The following PARP15 variants were observed in gnomAD, a reference collection of about 807,000 sequenced individuals.
PARP15 encodes the protein poly(ADP-ribose) polymerase family member 15.
Under a neutral mutation model 62.1 loss-of-function variants are expected in PARP15, and 50 were observed. The ratio of observed to expected loss-of-function variants is 0.81; its 90% confidence interval spans 0.64 to 1.02. PARP15 has a LOEUF of 1.02. Among genes scored for constraint, PARP15 ranks in the 50% least tolerant of loss-of-function variants. PARP15 has a pLI of 0.00. For missense variants in PARP15, 820 were observed against 826.5 expected (o/e 0.99, Z 0.10); for synonymous variants, 309 against 293.1 (o/e 1.05, Z -0.55).
At chr3:122,582,404 C>A (rs1004792143) in intron 1 of PARP15, among the ~76,000 whole-genome samples, 3 of 152,050 alleles carry the variant, frequency 2.0e-5, no homozygotes, top group African/African-American at 7.2e-5. Context: ...CTTGAACCCC[C>A]AGACTCAAGC....
Position 122,589,740 on chromosome 3 carries a change from A to T in PARP15, c.186+11887A>T, listed in dbSNP as rs1351625236. Among the ~76,000 whole-genome samples the T allele has an allele frequency of 2.0e-5, 3 of 152,156 alleles. No homozygotes were observed. The East Asian group carries it at 5.8e-4, about 29-fold the overall frequency. ...AAATTGGATTTTTTAAAAATTGTTG[A>T]CTTGTAAGGGATCTTTATATATTCT... On this transcript the variant is annotated intron_variant, in intron 1 of 11. Coordinates refer to ENST00000464300, the MANE Select transcript of PARP15 (RefSeq NM_001113523.3).
intron 1 of PARP15, among the ~76,000 whole-genome samples, chr3:122,590,682 TACTGTTGACTTTG>T (rs1352008717): frequency 6.6e-6 from 1 of 152,242 alleles, no homozygotes; most frequent in Admixed American, 6.5e-5. Flanking sequence ...TCACTGTGAA[TACTGTTGACTTTG>T]ACTCTTTATT....
intron 1 of PARP15, among the ~76,000 whole-genome samples, chr3:122,586,547 A>G (rs543718392): frequency 5.3e-5 from 8 of 152,346 alleles, no homozygotes; most frequent in African/African-American, 1.9e-4. Flanking sequence ...GCTTATTTCT[A>G]GAATTGCTAT....
At chr3:122,612,986 C>T in intron 3 of PARP15, 55 bp from the exon 4 acceptor site, 1 of 1,444,646 alleles carries the variant, frequency 6.9e-7, no homozygotes, top group Middle Eastern at 2.1e-4. Flanking sequence ...ACAACTCTTT[C>T]TGTTTTCCGC....
At chr3:122,604,343 C>T (rs114666052) in intron 1 of PARP15, among the ~76,000 whole-genome samples, 2,413 of 152,262 alleles carry the variant, frequency 0.016, 67 homozygotes, top group African/African-American at 0.053. Context: ...TTATGGAGTA[C>T]TCAGGGATGT....
chr3:122,578,880 A>G (rs972608185), intron 1 of PARP15, among the ~76,000 whole-genome samples: 7 of 152,188 alleles, frequency 4.6e-5, no homozygotes, highest in Admixed American at 6.5e-5. Context: ...TGTAATGTAT[A>G]TGATATTAAA....
intron 1 of PARP15, among the ~76,000 whole-genome samples, chr3:122,598,250 A>G (rs1395203957): frequency 6.6e-6 from 1 of 152,248 alleles, no homozygotes; most frequent in Non-Finnish European, 1.5e-5. Context: ...CTATTGCTAC[A>G]TAACAAATTA....
intron 9 of PARP15, among the ~76,000 whole-genome samples, chr3:122,630,286 T>C (rs1203100635): frequency 6.6e-6 from 1 of 152,196 alleles, no homozygotes; most frequent in African/African-American, 2.4e-5. Flanking sequence ...CTTTTGTACA[T>C]AGAAGTTGGA....
At chr3:122,587,565 T>C (rs1222744979) in intron 1 of PARP15, among the ~76,000 whole-genome samples, 1 of 152,180 alleles carries the variant, frequency 6.6e-6, no homozygotes, top group Non-Finnish European at 1.5e-5. Flanking sequence ...GGGGTCTCGC[T>C]CTGTCCCGCA....
chr3:122,636,167 G>T lies in PARP15; in HGVS notation c.*67G>T. 1 of 1,481,082 alleles carries T rather than the reference G, an allele frequency of 6.8e-7. No individual in the cohort carries two copies. The allele number at this position is 1,481,082 out of a possible 1,614,324, so 91.7% of individuals were successfully genotyped here. On this transcript the variant is annotated 3_prime_UTR_variant, in exon 12 of 12. Coordinates refer to ENST00000464300, the MANE Select transcript of PARP15 (RefSeq NM_001113523.3). ...AGAACAACATGCAATCTTTGTCTTT[G>T]CTTCTGGCCTGTGTAAGCAGATGAA...
At chr3:122,633,157 C>T (rs144309979) in intron 10 of PARP15, among the ~76,000 whole-genome samples, 39 of 152,310 alleles carry the variant, frequency 2.6e-4, no homozygotes, top group African/African-American at 8.9e-4. Flanking sequence ...ACTTTGATAA[C>T]TTTTCACATA....
chr3:122,580,169 A>G (rs1018500892), intron 1 of PARP15, among the ~76,000 whole-genome samples: 2 of 151,162 alleles, frequency 1.3e-5, no homozygotes, highest in African/African-American at 4.8e-5. Flanking sequence ...AATGTCAATT[A>G]GGTGGAGTTG....
At chr3:122,617,720 CA>C (rs950833873) in intron 6 of PARP15, among the ~76,000 whole-genome samples, 3 of 152,138 alleles carry the variant, frequency 2.0e-5, no homozygotes, top group Non-Finnish European at 2.9e-5. Flanking sequence ...AACTTATACA[CA>C]TACACTCAAC....
At chr3:122,625,703 T>C (rs898351324) in intron 8 of PARP15, among the ~76,000 whole-genome samples, 3 of 152,228 alleles carry the variant, frequency 2.0e-5, no homozygotes, top group African/African-American at 4.8e-5. Flanking sequence ...AAGACAGCCA[T>C]CTACGGGTCA....
chr3:122,589,838 C>T (rs1232143164), intron 1 of PARP15, among the ~76,000 whole-genome samples: 1 of 150,066 alleles, frequency 6.7e-6, no homozygotes, highest in African/African-American at 2.4e-5. Flanking sequence ...TTCACTTTCT[C>T]ATTCATGTTA....
At chr3:122,578,004 G>A in intron 1 of PARP15, 151 bp downstream of exon 1, 1 of 343,532 alleles carries the variant, frequency 2.9e-6, no homozygotes, top group Non-Finnish European at 4.1e-6. Context: ...TCCCTGTTCC[G>A]GAAGAGGGGG....
chr3:122,636,975 CAA>C lies in PARP15; in HGVS notation c.*876_*877del, dbSNP rs1016200983. 23 of 152,280 alleles carry C rather than the reference CAA, an allele frequency of 1.5e-4. No individual in the cohort carries two copies. Among genetic ancestry groups the C allele is most frequent in the African/African-American group, 5.5e-4 (23 of 41,540 alleles). The allele number at this position is 152,280 out of a possible 1,614,324, so 9.4% of individuals were successfully genotyped here. A position where few individuals can be genotyped will look rare whatever the true frequency, so the allele number is the denominator to read the frequency against. ...TTGGCTTACTCCAGAGTGAGCAACT[CAA>C]GAGAGAGCAAGGCAGAAGCTACCAA... On this transcript the variant is annotated 3_prime_UTR_variant, in exon 12 of 12. Transcript: ENST00000464300.
chr3:122,609,711 TAA>T (rs34604043), intron 2 of PARP15, among the ~76,000 whole-genome samples: 9 of 139,946 alleles, frequency 6.4e-5, no homozygotes, highest in African/African-American at 2.4e-4. Flanking sequence ...AAAAAAAAAT[TAA>T]AAAAAAAAAA....
At chr3:122,607,462 G>A (rs539914544) in intron 2 of PARP15, among the ~76,000 whole-genome samples, 212 of 152,224 alleles carry the variant, frequency 1.4e-3, no homozygotes, top group African/African-American at 4.8e-3. Context: ...TATGAAGGTT[G>A]TTATGAGGCT....
Sources: gnomAD v4.1 joint callset for allele counts (sites outside exome capture counted in the v4.1 genomes callset) on GRCh38, gnomAD v4.1.1 for gene constraint, MANE v1.5 for transcripts, NCBI Gene and HGNC (gene_info 2026-07-23, HGNC 2026-07-21) for gene names.